Variants in RAB23 observed in about 807,000 individuals in gnomAD.
RAB23 encodes ras-related protein Rab-23.
RAB23 carries 15 observed loss-of-function variants against 30.0 expected under a neutral mutation model. That is an observed-to-expected ratio of 0.50 (90% confidence interval 0.33 to 0.77). The LOEUF is 0.77. Ranked by LOEUF, RAB23 falls within the 30% of genes least tolerant of loss-of-function variation. The pLI is 0.02. For synonymous variants in RAB23, 93 were observed against 94.0 expected (o/e 0.99, Z 0.06); for missense variants, 243 against 275.4 (o/e 0.88, Z 0.83).
chr6:57,199,399 C>T (rs941426753), intron 3 of RAB23, among the ~76,000 whole-genome samples: 5 of 152,214 alleles, frequency 3.3e-5, no homozygotes, highest in Non-Finnish European at 5.9e-5. Flanking sequence ...GCCTCATTCT[C>T]CCTAGTCTTT....
At position 57,189,368 on chromosome 6, in the gene RAB23, C is replaced by CTAA. The variant is rs1186536166; in HGVS notation, c.*1090_*1092dup. 6.6e-6 allele frequency: 1 copy of CTAA among 152,104 alleles called. No homozygotes were observed. The highest frequency in any genetic ancestry group is 2.4e-5 in the African/African-American group (1 of 41,384). 9.4% of individuals were successfully genotyped at this position (152,104 alleles called of 1,614,324 possible). On this transcript the variant is annotated 3_prime_UTR_variant, in exon 7 of 7. Transcript: ENST00000468148. ...ATAAAATATGTAATTTTAGTTAAGA[C>CTAA]TAATAATAATATTTTTGTGCACTTT...
At chr6:57,196,196 A>G (rs577202043) in intron 4 of RAB23, among the ~76,000 whole-genome samples, 1 of 152,212 alleles carries the variant, frequency 6.6e-6, no homozygotes. Context: ...AAGACCTGAG[A>G]TTAGAATTCT....
intron 3 of RAB23, among the ~76,000 whole-genome samples, chr6:57,200,188 A>T (rs1440846039): frequency 1.3e-5 from 2 of 151,800 alleles, no homozygotes; most frequent in Non-Finnish European, 1.5e-5. Flanking sequence ...AAGCACTTCA[A>T]GAATTTTTTT....
In RAB23 at chr6:57,188,738, G is replaced by GAAAT. The variant is rs1382612685; in HGVS notation, c.*1719_*1722dup. 1 of 152,060 alleles carries GAAAT rather than the reference G, an allele frequency of 6.6e-6. No individual in the cohort carries two copies. The highest frequency in any genetic ancestry group is 2.4e-5 in the African/African-American group (1 of 41,404). The allele number at this position is 152,060 out of a possible 1,614,324, so 9.4% of individuals were successfully genotyped here. On this transcript the variant is annotated 3_prime_UTR_variant, in exon 7 of 7. Coordinates refer to ENST00000468148, the MANE Select transcript of RAB23 (RefSeq NM_016277.5). ...AAAAATAAGCATTTTACATTACTGT[G>GAAAT]AAATAGATAATGCCAGATCATTTCA...
At chr6:57,203,901 T>C (rs1765358985) in intron 3 of RAB23, among the ~76,000 whole-genome samples, 1 of 151,964 alleles carries the variant, frequency 6.6e-6, no homozygotes, top group African/African-American at 2.4e-5. Flanking sequence ...AATAGAGTGG[T>C]AAGTAGTGGT....
At position 57,196,436 on chromosome 6, in the gene RAB23, A is replaced by G. The variant is rs1765024267; in HGVS notation, c.398+14T>C. ...GAATTACTGTCCCTCCTTCCCCAAA[A>G]GTAGCCATCTTACTTCTTTATACAA... On this transcript the variant is annotated intron_variant, in intron 4 of 6. Coordinates refer to ENST00000468148, the MANE Select transcript of RAB23 (RefSeq NM_016277.5). 6.2e-7 allele frequency: 1 copy of G among 1,613,746 alleles called. No homozygotes were observed. The highest frequency in any genetic ancestry group is 1.1e-5 in the South Asian group (1 of 91,078).
intron 5 of RAB23, 53 bp downstream of exon 5, chr6:57,194,717 A>G: frequency 7.7e-7 from 1 of 1,292,908 alleles, no homozygotes. Flanking sequence ...CAATTTTAAA[A>G]GCGCAAGAAT....
intron 6 of RAB23, among the ~76,000 whole-genome samples, chr6:57,191,576 A>T (rs1764843558): frequency 6.6e-6 from 1 of 151,938 alleles, no homozygotes; most frequent in Non-Finnish European, 1.5e-5. Flanking sequence ...CAGCCTCCCG[A>T]GTAGCTGGGA....
At chr6:57,210,525 C>T in intron 1 of RAB23, 80 bp from the exon 2 acceptor site, 1 of 892,782 alleles carries the variant, frequency 1.1e-6, no homozygotes, top group Non-Finnish European at 1.8e-6. Flanking sequence ...GAAATTATCA[C>T]ATTGCATTGC....
chr6:57,210,576 T>C, intron 1 of RAB23, 131 bp from the exon 2 acceptor site: 1 of 635,906 alleles, frequency 1.6e-6, no homozygotes, highest in Non-Finnish European at 2.7e-6. Flanking sequence ...CCACTCTCTT[T>C]AGATAATGTA....
At chr6:57,218,920 C>A (rs557308051) in intron 1 of RAB23, among the ~76,000 whole-genome samples, 1 of 151,920 alleles carries the variant, frequency 6.6e-6, no homozygotes, top group South Asian at 2.1e-4. Context: ...AGACTGCTTT[C>A]CCCTCACATT....
rs574756740 is a variant in RAB23 at position 57,198,330 on chromosome 6, C to T, written c.242-1724G>A. Among the ~76,000 whole-genome samples, 149 of 152,164 alleles carry T rather than the reference C, an allele frequency of 9.8e-4. 1 individual carries two copies. The highest frequency in any genetic ancestry group is 6.0e-3 in the East Asian group (31 of 5,164). On this transcript the variant is annotated intron_variant, in intron 3 of 6. Coordinates refer to ENST00000468148, the MANE Select transcript of RAB23 (RefSeq NM_016277.5). ...GAGATCGAGACCATCCTGGCTAACA[C>T]GGTGAAACCCCGTCTCTACTAAAAA...
rs544614772 is a variant in RAB23 at position 57,188,067 on chromosome 6, G to A, written c.*2394C>T. On this transcript the variant is annotated 3_prime_UTR_variant, in exon 7 of 7. Transcript: ENST00000468148. The stretch of plus-strand genomic sequence containing the variant: ...GATATGTCTACGCAAAAGATTAGCC[G>A]TAATGTTAAAAAAGTAGATTAGAGC... 10 of 152,230 alleles carry A rather than the reference G, an allele frequency of 6.6e-5. No homozygotes were observed. The highest frequency in any genetic ancestry group is 2.0e-4 in the Admixed American group (3 of 15,292). 9.4% of individuals were successfully genotyped at this position (152,230 alleles called of 1,614,324 possible). A position where few individuals can be genotyped will look rare whatever the true frequency, so the allele number is the denominator to read the frequency against.
At chr6:57,210,144 C>A in intron 2 of RAB23, 82 bp downstream of exon 2, 1 of 1,468,566 alleles carries the variant, frequency 6.8e-7, no homozygotes, top group Non-Finnish European at 9.5e-7. Flanking sequence ...AAATCCACTG[C>A]AATCAGTTAA....
At chr6:57,207,434 A>G (rs1386040450) in intron 3 of RAB23, among the ~76,000 whole-genome samples, 194 bp downstream of exon 3, 2 of 152,246 alleles carry the variant, frequency 1.3e-5, no homozygotes, top group East Asian at 1.9e-4. Flanking sequence ...CAAACTGTCT[A>G]CAGTACCAGG....
chr6:57,199,257 G>A (rs541010681), intron 3 of RAB23, among the ~76,000 whole-genome samples: 2 of 152,196 alleles, frequency 1.3e-5, no homozygotes, highest in African/African-American at 2.4e-5. Context: ...TGGGTGGCGG[G>A]GGGGTGGAAT....
chr6:57,213,389 G>C (rs1765724789), intron 1 of RAB23, among the ~76,000 whole-genome samples: 1 of 152,060 alleles, frequency 6.6e-6, no homozygotes, highest in African/African-American at 2.4e-5. Flanking sequence ...TAGTCTTTAG[G>C]ACACACGGTC....
intron 3 of RAB23, among the ~76,000 whole-genome samples, chr6:57,204,213 G>C (rs1204755022): frequency 1.3e-5 from 2 of 152,112 alleles, no homozygotes; most frequent in Non-Finnish European, 2.9e-5. Context: ...GAAATTATGT[G>C]TTTATATGAT....
At chr6:57,216,048 A>G (rs1236729763) in intron 1 of RAB23, among the ~76,000 whole-genome samples, 1 of 152,214 alleles carries the variant, frequency 6.6e-6, no homozygotes, top group African/African-American at 2.4e-5. Flanking sequence ...ACAATGCCAT[A>G]TGTTTACTAT....
Sources: allele counts gnomAD v4.1 joint callset (sites outside exome capture counted in the v4.1 genomes callset), GRCh38; gene constraint gnomAD v4.1.1; transcripts MANE v1.5; gene names NCBI Gene and HGNC (gene_info 2026-07-23, HGNC 2026-07-21).